The following TEX36 variants were observed in gnomAD, a reference collection of about 807,000 sequenced individuals.
The protein encoded by TEX36 is testis-expressed protein 36.
TEX36 carries 12 observed loss-of-function variants against 13.6 expected under a neutral mutation model. The observed-to-expected ratio is 0.88, with a 90% CI of 0.56 to 1.43. TEX36 has a LOEUF of 1.43. Ranked by LOEUF, TEX36 falls within the 40% of genes most tolerant of loss-of-function variation. TEX36 has a pLI of 0.00. For missense variants in TEX36, 224 were observed against 228.3 expected (o/e 0.98, Z 0.12); for synonymous variants, 93 against 83.0 (o/e 1.12, Z -0.65).
chr10:125,633,374 T>A (rs1846584000), intron 3 of TEX36, among the ~76,000 whole-genome samples: 1 of 152,246 alleles, frequency 6.6e-6, no homozygotes, highest in Non-Finnish European at 1.5e-5. Context: ...ACAGCTGATT[T>A]GCTTGACATT....
chr10:125,592,379 C>T, intron 3 of TEX36, among the ~76,000 whole-genome samples: 1 of 152,090 alleles, frequency 6.6e-6, no homozygotes, highest in Admixed American at 6.6e-5. Context: ...TCCTCTCTAA[C>T]TACATGCTCA....
intron 1 of TEX36, among the ~76,000 whole-genome samples, chr10:125,681,914 G>A (rs1283233821): frequency 6.6e-6 from 1 of 152,196 alleles, no homozygotes; most frequent in Non-Finnish European, 1.5e-5. Flanking sequence ...AAGCTGCTTA[G>A]CCAAGGTTGT....
At chr10:125,595,121 G>A (rs551530929) in intron 3 of TEX36, among the ~76,000 whole-genome samples, 14 of 152,208 alleles carry the variant, frequency 9.2e-5, no homozygotes, top group African/African-American at 3.4e-4. Flanking sequence ...TAATTTTATA[G>A]AAATACACAT....
At chr10:125,635,014 C>T (rs1846605781) in intron 3 of TEX36, among the ~76,000 whole-genome samples, 1 of 152,190 alleles carries the variant, frequency 6.6e-6, no homozygotes, top group Non-Finnish European at 1.5e-5. Context: ...GAGGTCTTCC[C>T]TTAAGCAAGG....
At chr10:125,651,428 CT>C (rs1396796873), downstream of TEX36, among the ~76,000 whole-genome samples, 5 of 152,242 alleles carry the variant, frequency 3.3e-5, no homozygotes, top group African/African-American at 9.6e-5. Context: ...CAGAAAAGGC[CT>C]TCGAGAAAAT....
At chr10:125,669,274 A>G (rs1013699383) in intron 1 of TEX36, among the ~76,000 whole-genome samples, 13 of 152,222 alleles carry the variant, frequency 8.5e-5, no homozygotes, top group Admixed American at 8.5e-4. Context: ...CTGGAAACAG[A>G]GTGAGACTCC....
At chr10:125,578,467 G>A (rs1489950182) in intron 3 of TEX36, 1 of 152,160 alleles carries the variant, frequency 6.6e-6, no homozygotes, top group Non-Finnish European at 1.5e-5. Context: ...GTCATTCTTT[G>A]ACTTGAATTT....
At chr10:125,635,641 T>C (rs1173363786) in intron 3 of TEX36, among the ~76,000 whole-genome samples, 1 of 152,120 alleles carries the variant, frequency 6.6e-6, no homozygotes, top group Admixed American at 6.5e-5. Context: ...AGCACTGCCA[T>C]CCTCCTGGCC....
chr10:125,576,657 C>A, exon 4 of TEX36: 1 of 1,472,040 alleles, frequency 6.8e-7, no homozygotes, highest in Non-Finnish European at 9.1e-7. Context: ...ACTAGCTAGG[C>A]TAAGACAAAA....
chr10:125,624,387 C>G (rs1272482227), intron 3 of TEX36, among the ~76,000 whole-genome samples: 2 of 152,110 alleles, frequency 1.3e-5, no homozygotes, highest in African/African-American at 2.4e-5. Context: ...GTGGGGAAAC[C>G]CAGGGGCAGA....
intron 1 of TEX36, among the ~76,000 whole-genome samples, chr10:125,680,433 T>C (rs765299714): frequency 6.6e-6 from 1 of 152,228 alleles, no homozygotes; most frequent in Non-Finnish European, 1.5e-5. Flanking sequence ...AGCTGTGAAA[T>C]AAACCCTTCT....
intron 3 of TEX36, among the ~76,000 whole-genome samples, chr10:125,582,330 C>T (rs1222264334): frequency 6.6e-6 from 1 of 152,200 alleles, no homozygotes; most frequent in Non-Finnish European, 1.5e-5. Flanking sequence ...TTCTAGACCA[C>T]AAATTTTCTG....
intron 3 of TEX36, among the ~76,000 whole-genome samples, chr10:125,616,172 CT>C (rs1170671496): frequency 4.6e-5 from 7 of 152,076 alleles, no homozygotes; most frequent in African/African-American, 1.4e-4. Flanking sequence ...ATTCTTCTCT[CT>C]TTTTTTCTTT....
intron 1 of TEX36, among the ~76,000 whole-genome samples, chr10:125,678,848 G>A (rs1374029158): frequency 6.6e-6 from 1 of 152,076 alleles, no homozygotes; most frequent in African/African-American, 2.4e-5. Flanking sequence ...TGGAAGAGGA[G>A]GCAAAGCCCG....
intron 3 of TEX36, among the ~76,000 whole-genome samples, chr10:125,628,195 C>T (rs149662439): frequency 1.2e-3 from 187 of 152,300 alleles, no homozygotes; most frequent in Middle Eastern, 3.4e-3. Context: ...GTGTGCTTGT[C>T]GTGGAAGGGA....
chr10:125,652,230 C>G (rs544019509), downstream of TEX36, among the ~76,000 whole-genome samples: 1 of 152,154 alleles, frequency 6.6e-6, no homozygotes, highest in Non-Finnish European at 1.5e-5. Context: ...ATCATGCTAC[C>G]TAACTTTGAA....
At chr10:125,666,685 A>T (rs1273220128) in intron 1 of TEX36, among the ~76,000 whole-genome samples, 1 of 152,018 alleles carries the variant, frequency 6.6e-6, no homozygotes, top group Non-Finnish European at 1.5e-5. Flanking sequence ...TCCAACCTTG[A>T]ATAGCTGTTT....
intron 3 of TEX36, among the ~76,000 whole-genome samples, chr10:125,610,201 A>T (rs1473927921): frequency 2.0e-5 from 3 of 152,234 alleles, no homozygotes; most frequent in Non-Finnish European, 2.9e-5. Context: ...AAATAACCAT[A>T]AAAATAGCCA....
intron 3 of TEX36, among the ~76,000 whole-genome samples, chr10:125,610,483 T>A (rs1846275385): frequency 6.9e-6 from 1 of 145,270 alleles, no homozygotes. Context: ...CCAAACCTGC[T>A]GAATCGGAAC....
Sources: gnomAD v4.1 joint callset for allele counts (sites outside exome capture counted in the v4.1 genomes callset) on GRCh38, gnomAD v4.1.1 for gene constraint, MANE v1.5 for transcripts, NCBI Gene and HGNC (gene_info 2026-07-23, HGNC 2026-07-21) for gene names.